Variants in KIF3A observed in about 807,000 individuals in gnomAD.
KIF3A encodes the protein kinesin-like protein KIF3A.
In KIF3A, 27 loss-of-function variants were observed where a neutral mutation model predicts 92.6. That is an observed-to-expected ratio of 0.29 (90% confidence interval 0.21 to 0.40). KIF3A has a LOEUF of 0.40. Ranked by LOEUF, KIF3A falls within the 10% of genes least tolerant of loss-of-function variation. The pLI, the probability that KIF3A is intolerant of heterozygous loss-of-function variation, is 1.00. For synonymous variants in KIF3A, 250 were observed against 275.4 expected, an observed-to-expected ratio of 0.91 and a Z score of 0.92; for missense variants, 581 against 872.6, an observed-to-expected ratio of 0.67 and a Z score of 4.21.
At position 132,726,572 on chromosome 5, in the gene KIF3A, C is replaced by T; in HGVS notation, c.281-74G>A. ...GAACAATAGCTCTTAAAATTAATTCCTTTGACACTGTGATGTAATTTCTCC... is the reference window on the plus strand; with the variant it reads ...GAACAATAGCTCTTAAAATTAATTCTTTTGACACTGTGATGTAATTTCTCC... On this transcript the variant is annotated intron_variant, in intron 2 of 18. Coordinates refer to ENST00000403231, the MANE Select transcript of KIF3A (RefSeq NM_001300791.2). The T allele has an allele frequency of 6.9e-6, 9 of 1,305,836 alleles. No individual in the cohort carries two copies. In the South Asian group the frequency reaches 1.2e-4, roughly 17 times the overall value. The allele number at this position is 1,305,836 out of a possible 1,614,324, so 80.9% of individuals were successfully genotyped here. A position where few individuals can be genotyped will look rare whatever the true frequency, so the allele number is the denominator to read the frequency against.
intron 8 of KIF3A, among the ~76,000 whole-genome samples, chr5:132,713,549 A>G (rs1753504263): frequency 6.6e-6 from 1 of 152,232 alleles, no homozygotes; most frequent in African/African-American, 2.4e-5. Flanking sequence ...AAGAAATGTC[A>G]TAAGAGCAAA....
At chr5:132,720,420 G>A (rs944989331) in intron 5 of KIF3A, among the ~76,000 whole-genome samples, 189 bp downstream of exon 5, 2 of 152,024 alleles carry the variant, frequency 1.3e-5, no homozygotes, top group Admixed American at 1.3e-4. Flanking sequence ...AATTTTGCTC[G>A]GCATGGAAAA....
chr5:132,698,030 T>C (rs1403366912), intron 18 of KIF3A: 1 of 152,228 alleles, frequency 6.6e-6, no homozygotes. Context: ...TAGGAAAGTT[T>C]TTAACCCCTC....
chr5:132,690,213 C>A (rs11242125), downstream of KIF3A, among the ~76,000 whole-genome samples: 79,341 of 151,484 alleles, frequency 0.52, 25,801 homozygotes, highest in Non-Finnish European at 0.74. Flanking sequence ...GAGACTCTGT[C>A]TCAAAAAATA....
At chr5:132,702,728 C>A (rs946590447) in intron 13 of KIF3A, 60 bp from the exon 14 acceptor site, 3 of 1,370,990 alleles carry the variant, frequency 2.2e-6, no homozygotes, top group East Asian at 2.3e-5. Flanking sequence ...ATATCTAATT[C>A]TTTAACAAAT....
chr5:132,699,770 G>C (rs888513556), intron 17 of KIF3A, among the ~76,000 whole-genome samples: 2 of 151,756 alleles, frequency 1.3e-5, no homozygotes, highest in South Asian at 4.2e-4. Flanking sequence ...CACTGTGTTA[G>C]CCAGGATGGT....
At chr5:132,716,064 C>T (rs1430902424) in intron 7 of KIF3A, 133 bp from the exon 8 acceptor site, 14 of 843,424 alleles carry the variant, frequency 1.7e-5, no homozygotes, top group Non-Finnish European at 2.2e-5. Context: ...AGAGTGTCAA[C>T]CACATGAGTT....
rs751870494 is a variant in KIF3A at position 132,726,122 on chromosome 5, C to T, written c.510+6G>A. ...AAAGTACTCCACCAATTTCAATTAT[C>T]CTTACCTCTAACCTTTGTGTCTGAT... is the stretch of plus-strand genomic sequence containing the variant. On this transcript the variant is annotated splice_donor_region_variant and intron_variant, in intron 4 of 18. Coordinates refer to ENST00000403231, the MANE Select transcript of KIF3A (RefSeq NM_001300791.2). The T allele has an allele frequency of 1.3e-6, 2 of 1,589,178 alleles. No individual in the cohort carries two copies. The highest frequency in any genetic ancestry group is 1.7e-6 in the Non-Finnish European group (2 of 1,166,388).
chr5:132,721,173 T>C (rs1370527226), intron 4 of KIF3A, among the ~76,000 whole-genome samples: 2 of 152,162 alleles, frequency 1.3e-5, no homozygotes, highest in African/African-American at 4.8e-5. Flanking sequence ...AGGTGAGATA[T>C]CTGGTTATAT....
chr5:132,723,936 CTCAAACAAATT>C (rs995990976), intron 4 of KIF3A, among the ~76,000 whole-genome samples: 1 of 152,134 alleles, frequency 6.6e-6, no homozygotes, highest in African/African-American at 2.4e-5. Context: ...CTACAAAGAA[CTCAAACAAATT>C]TACAAGAAAA....
chr5:132,724,802 AAAAAATAT>A (rs1753954168), intron 4 of KIF3A, among the ~76,000 whole-genome samples: 10 of 33,312 alleles, frequency 3.0e-4, no homozygotes, highest in African/African-American at 1.1e-3. Context: ...TAAAAAAAAA[AAAAAATAT>A]ATATATATAT....
chr5:132,726,192 T>C lies in KIF3A; in HGVS notation c.446A>G (p.Tyr149Cys). The C allele has an allele frequency of 6.2e-7, 1 of 1,611,796 alleles. No homozygotes were observed. The highest frequency in any genetic ancestry group is 8.5e-7 in the Non-Finnish European group (1 of 1,179,012). ...GDTRFLVRVSYLEIYNEEVRD... is the reference protein window; with the variant it reads ...GDTRFLVRVSCLEIYNEEVRD... ...AACTTCTTCATTATATATTTCCAAATAAGACACTCGAACCAAAAATCTATA... is the reference window on the plus strand; with the variant it reads ...AACTTCTTCATTATATATTTCCAAACAAGACACTCGAACCAAAAATCTATA... Residue 149 changes from tyrosine to cysteine, a missense_variant, in exon 4 of 19, where the codon TAT (tyrosine) becomes TGT (cysteine). By Grantham distance (194) the Tyr-to-Cys change is radical. This residue lies in a region of KIF3A where 217 missense variants were observed against 299.7 expected (regional missense o/e 0.72). Coordinates refer to ENST00000403231, the MANE Select transcript of KIF3A (RefSeq NM_001300791.2).
chr5:132,706,857 T>C (rs537396506), intron 10 of KIF3A, among the ~76,000 whole-genome samples: 2 of 152,202 alleles, frequency 1.3e-5, no homozygotes, highest in Non-Finnish European at 2.9e-5. Context: ...AAACAGAAAA[T>C]TAAGGCAATT....
At chr5:132,737,174 C>T (rs1451773979) in intron 1 of KIF3A, among the ~76,000 whole-genome samples, 1 of 152,226 alleles carries the variant, frequency 6.6e-6, no homozygotes, top group African/African-American at 2.4e-5. Flanking sequence ...GCAGGCCCCA[C>T]GGGATGCAGC....
intron 9 of KIF3A, among the ~76,000 whole-genome samples, chr5:132,709,400 A>G (rs1047072404): frequency 1.3e-5 from 2 of 152,210 alleles, no homozygotes; most frequent in African/African-American, 4.8e-5. Flanking sequence ...GTGATAAATT[A>G]CCCTTCATAA....
In KIF3A at chr5:132,720,651, C is replaced by G; in HGVS notation, c.574G>C (p.Ala192Pro). 1 of 1,612,086 alleles carries G rather than the reference C, an allele frequency of 6.2e-7. No individual in the cohort carries two copies. Among genetic ancestry groups the G allele is most frequent in the Non-Finnish European group, 8.5e-7 (1 of 1,178,646 alleles). Residue 192 changes from alanine to proline, a missense_variant, in exon 5 of 19, where the codon GCT (alanine) becomes CCT (proline). Coordinates refer to ENST00000403231, the MANE Select transcript of KIF3A (RefSeq NM_001300791.2). The part of the protein sequence containing the change: ...KDLSAYVVNN[A>P]DDMDRIMTLG... ...GTCATAATTCTATCCATATCATCAG[C>G]ATTATTTACCACATAAGCTGATAAA...
chr5:132,703,976 A>G (rs1469313362), intron 11 of KIF3A, among the ~76,000 whole-genome samples: 1 of 151,900 alleles, frequency 6.6e-6, no homozygotes, highest in African/African-American at 2.4e-5. Context: ...AAAAAAAGCA[A>G]CATGATTCTT....
chr5:132,735,069 C>T (rs1754346084), intron 1 of KIF3A, among the ~76,000 whole-genome samples: 1 of 151,962 alleles, frequency 6.6e-6, no homozygotes, highest in Admixed American at 6.6e-5. Flanking sequence ...GTTTCCATTT[C>T]TGAATTTTTT....
intron 9 of KIF3A, among the ~76,000 whole-genome samples, chr5:132,710,513 G>C (rs1463092956): frequency 1.3e-5 from 2 of 152,206 alleles, no homozygotes; most frequent in African/African-American, 4.8e-5. Flanking sequence ...CTACTCGGGA[G>C]GCTGAGGCAG....
Sources: gnomAD v4.1 joint callset for allele counts (sites outside exome capture counted in the v4.1 genomes callset) on GRCh38, gnomAD v4.1.1 for gene constraint, gnomAD v4.1.1 regional missense constraint, MANE v1.5 for transcripts, NCBI Gene and HGNC (gene_info 2026-07-23, HGNC 2026-07-21) for gene names.